KCNIP1: variants seen among roughly 807,000 people sequenced by gnomAD.
The protein encoded by KCNIP1 is A-type potassium channel modulatory protein KCNIP1.
KCNIP1 carries 18 observed loss-of-function variants against 33.0 expected under a neutral mutation model. The observed-to-expected ratio is 0.55, with a 90% CI of 0.38 to 0.81. The LOEUF is 0.81. Among genes scored for constraint, KCNIP1 ranks in the 30% least tolerant of loss-of-function variants. KCNIP1 has a pLI of 0.00. For missense variants in KCNIP1, 238 were observed against 271.6 expected, an observed-to-expected ratio of 0.88 and a Z score of 0.87; for synonymous variants, 93 against 98.3, an observed-to-expected ratio of 0.95 and a Z score of 0.32.
At chr5:170,516,615 C>T (rs549363997) in intron 1 of KCNIP1, among the ~76,000 whole-genome samples, 1 of 152,276 alleles carries the variant, frequency 6.6e-6, no homozygotes, top group Non-Finnish European at 1.5e-5. Flanking sequence ...AAGATTGTGG[C>T]TTGGTGTGAA....
In KCNIP1 at chr5:170,722,840, G is replaced by T. The variant is rs1198367403; in HGVS notation, c.435+20G>T. ...AAAGAGGTAAGTGAGCTGGGGCCAG[G>T]GGTGTGAGAGGGCTCCAGTGAAGGT... On this transcript the variant is annotated intron_variant, in intron 5 of 7. Coordinates refer to ENST00000328939, the MANE Select transcript of KCNIP1 (RefSeq NM_014592.4). The T allele has an allele frequency of 2.0e-6, 3 of 1,467,102 alleles. No individual in the cohort carries two copies. In the East Asian group the frequency reaches 6.8e-5, roughly 33 times the overall value. 90.9% of individuals were successfully genotyped at this position (1,467,102 alleles called of 1,614,324 possible).
intron 1 of KCNIP1, among the ~76,000 whole-genome samples, chr5:170,436,335 T>C (rs1342775768): frequency 2.0e-5 from 3 of 152,226 alleles, no homozygotes; most frequent in Non-Finnish European, 4.4e-5. Context: ...GAGGCTACCC[T>C]GCAGGGCCTG....
chr5:170,356,581 C>G (rs569222371), intron 1 of KCNIP1, among the ~76,000 whole-genome samples: 5 of 152,230 alleles, frequency 3.3e-5, no homozygotes, highest in African/African-American at 9.7e-5. Flanking sequence ...AACTTTCCTT[C>G]CTATCCCTGA....
intron 1 of KCNIP1, among the ~76,000 whole-genome samples, chr5:170,595,846 AT>A (rs1758423781): frequency 1.3e-5 from 2 of 152,268 alleles, no homozygotes; most frequent in South Asian, 2.1e-4. Flanking sequence ...ATCTCTTTAC[AT>A]TTTACAAGTT....
At chr5:170,594,203 T>C (rs1053944797) in intron 1 of KCNIP1, among the ~76,000 whole-genome samples, 2 of 152,216 alleles carry the variant, frequency 1.3e-5, no homozygotes, top group South Asian at 2.1e-4. Flanking sequence ...GTTCCGTGAC[T>C]ATTCCCATCT....
chr5:170,435,660 A>G (rs1254446615), intron 1 of KCNIP1, among the ~76,000 whole-genome samples: 6 of 152,214 alleles, frequency 3.9e-5, no homozygotes, highest in Admixed American at 3.9e-4. Context: ...ATTATGGACA[A>G]GCCTTCACTG....
intron 1 of KCNIP1, among the ~76,000 whole-genome samples, chr5:170,652,651 G>A (rs553507803): frequency 3.3e-5 from 5 of 152,316 alleles, no homozygotes; most frequent in Admixed American, 3.3e-4. Context: ...ACCGAATTGT[G>A]GAAGGCTGCA....
chr5:170,630,143 A>G (rs190760655), intron 1 of KCNIP1, among the ~76,000 whole-genome samples: 1 of 152,124 alleles, frequency 6.6e-6, no homozygotes, highest in Admixed American at 6.5e-5. Context: ...CCAGATGCCA[A>G]CTCGAGGGAT....
In KCNIP1 at chr5:170,671,958, C is replaced by T. The variant is rs148368840; in HGVS notation, c.62-46800C>T. Among the ~76,000 whole-genome samples the T allele has an allele frequency of 2.2e-3, 335 of 152,302 alleles. 1 individual carries two copies. Among genetic ancestry groups the T allele is most frequent in the African/African-American group, 7.8e-3 (324 of 41,566 alleles). On this transcript the variant is annotated intron_variant, in intron 1 of 7. Transcript: ENST00000328939. ...AATACACAGTGACAATACAGTGTGT[C>T]GAGTGCTACAATAGATGGAGGGGTG...
intron 1 of KCNIP1, among the ~76,000 whole-genome samples, chr5:170,621,537 T>G: frequency 6.6e-6 from 1 of 152,114 alleles, no homozygotes; most frequent in Non-Finnish European, 1.5e-5. Context: ...ATGTATTGAT[T>G]TATTGCTCTG....
chr5:170,462,264 C>CAAAAAAAAAAAAAAAAAAAAAA (rs760686464), intron 1 of KCNIP1, among the ~76,000 whole-genome samples: 4 of 52,034 alleles, frequency 7.7e-5, no homozygotes, highest in Admixed American at 2.3e-4. Context: ...AACAAATTAG[C>CAAAAAAAAAAAAAAAAAAAAAA]AAAAAAAAAA....
At chr5:170,406,659 C>T (rs1755046145) in intron 1 of KCNIP1, among the ~76,000 whole-genome samples, 1 of 152,196 alleles carries the variant, frequency 6.6e-6, no homozygotes, top group Non-Finnish European at 1.5e-5. Context: ...TATTTCTCCT[C>T]CCACATCAGC....
intron 1 of KCNIP1, among the ~76,000 whole-genome samples, chr5:170,508,549 G>T (rs540158882): frequency 6.6e-6 from 1 of 152,330 alleles, no homozygotes; most frequent in Non-Finnish European, 1.5e-5. Context: ...ATAGTCCTGA[G>T]CCCAAGGGGC....
chr5:170,477,453 T>C (rs867026998), intron 1 of KCNIP1, among the ~76,000 whole-genome samples: 3 of 152,160 alleles, frequency 2.0e-5, no homozygotes, highest in African/African-American at 7.2e-5. Flanking sequence ...TTATTTGTTT[T>C]TGAGGCAGAG....
At chr5:170,486,449 G>A (rs901282625) in intron 1 of KCNIP1, 2 of 152,244 alleles carry the variant, frequency 1.3e-5, no homozygotes, top group South Asian at 2.1e-4. Context: ...GGTTGGGCAC[G>A]TGGACTCACA....
chr5:170,592,570 A>G (rs1758299063), intron 1 of KCNIP1, among the ~76,000 whole-genome samples: 1 of 152,190 alleles, frequency 6.6e-6, no homozygotes, highest in South Asian at 2.1e-4. Flanking sequence ...TACTACATAA[A>G]TTGAGTGTGG....
Position 170,458,651 on chromosome 5 carries a change from G to C in KCNIP1, c.88+104687G>C, listed in dbSNP as rs923204127. Among the ~76,000 whole-genome samples the C allele has an allele frequency of 2.0e-5, 3 of 152,292 alleles. No individual in the cohort carries two copies. The East Asian group carries it at 5.8e-4, about 29-fold the overall frequency. ...TCTTTTTCAGATAAACAAATGCTGA[G>C]AGAATTCACCACTACCAAGTCAGCA... On this transcript the variant is annotated intron_variant, in intron 1 of 7. Transcript: ENST00000377360.
chr5:170,716,773 A>C (rs1763658160), intron 1 of KCNIP1, among the ~76,000 whole-genome samples: 1 of 152,222 alleles, frequency 6.6e-6, no homozygotes, highest in Non-Finnish European at 1.5e-5. Context: ...GAGTCTCTCA[A>C]GCTCCCACAA....
intron 1 of KCNIP1, among the ~76,000 whole-genome samples, chr5:170,540,572 CCT>C (rs1289096279): frequency 6.6e-6 from 1 of 152,152 alleles, no homozygotes; most frequent in Non-Finnish European, 1.5e-5. Flanking sequence ...CCTGCCCTTC[CCT>C]GACCACAATG....
Sources: gnomAD v4.1 joint callset for allele counts (sites outside exome capture counted in the v4.1 genomes callset) on GRCh38, gnomAD v4.1.1 for gene constraint, MANE v1.5 for transcripts, NCBI Gene and HGNC (gene_info 2026-07-23, HGNC 2026-07-21) for gene names.